The following CACNA2D3 variants were observed in gnomAD, a reference collection of about 807,000 sequenced individuals.
The protein encoded by CACNA2D3 is voltage-dependent calcium channel subunit alpha-2/delta-3.
A neutral mutation model predicts 160.6 loss-of-function variants in CACNA2D3; 60 were observed. That is an observed-to-expected ratio of 0.37 (90% CI 0.30 to 0.46). The LOEUF (loss-of-function observed/expected upper bound fraction) is 0.46, where lower values mean the gene tolerates loss of function less well. Among genes scored for constraint, CACNA2D3 ranks in the 20% least tolerant of loss-of-function variants. CACNA2D3 has a pLI of 1.00. For missense variants in CACNA2D3, 1,205 were observed against 1,365.0 expected (o/e 0.88, Z 1.85); for synonymous variants, 558 against 492.9 (o/e 1.13, Z -1.75).
At chr3:54,367,377 A>T (rs894459710) in intron 3 of CACNA2D3, among the ~76,000 whole-genome samples, 17 of 152,154 alleles carry the variant, frequency 1.1e-4, no homozygotes, top group African/African-American at 4.1e-4. Flanking sequence ...ATCGGCACTT[A>T]AATGTCCCTG....
chr3:54,177,471 T>C lies in CACNA2D3; in HGVS notation c.204+53877T>C, dbSNP rs572735942. On this transcript the variant is annotated intron_variant, in intron 2 of 37. Coordinates refer to ENST00000474759, the MANE Select transcript of CACNA2D3 (RefSeq NM_018398.3). ...CCATCCAGGAGCGGTTTTATCAATC[T>C]CTGAAAAAGCTAACTCCTCGGGCTT... 1.2e-4 allele frequency among the ~76,000 whole-genome samples: 19 copies of C among 152,344 alleles called. No homozygotes were observed. The East Asian group carries it at 3.1e-3, about 25-fold the overall frequency.
At chr3:54,213,439 A>G (rs934678768) in intron 2 of CACNA2D3, among the ~76,000 whole-genome samples, 11 of 152,142 alleles carry the variant, frequency 7.2e-5, no homozygotes, top group East Asian at 1.9e-4. Context: ...TACAGGAACA[A>G]TTGCTCTCTC....
chr3:54,475,671 C>T (rs531769110), intron 4 of CACNA2D3, among the ~76,000 whole-genome samples: 22 of 152,180 alleles, frequency 1.4e-4, no homozygotes, highest in African/African-American at 3.9e-4. Context: ...CCAAGTTATG[C>T]GTCCCTCTCC....
chr3:55,052,291 A>G (rs1704244406), intron 35 of CACNA2D3, among the ~76,000 whole-genome samples: 1 of 151,960 alleles, frequency 6.6e-6, no homozygotes, highest in Admixed American at 6.6e-5. Flanking sequence ...ATGGTTTGGG[A>G]GCATTCTTTG....
intron 11 of CACNA2D3, 80 bp from the exon 12 acceptor site, chr3:54,752,519 T>C (rs1048433066): frequency 3.3e-6 from 3 of 897,782 alleles, no homozygotes; most frequent in Admixed American, 3.9e-5. Context: ...GTAAGCCACA[T>C]GTGTGTGAGC....
rs1166821488 is a variant in CACNA2D3 at position 54,541,297 on chromosome 3, A to AAG, written c.545-21502_545-21501insGA. Among the ~76,000 whole-genome samples the AAG allele has an allele frequency of 7.9e-3, 1,011 of 127,216 alleles. 27 individuals are homozygous for AAG. In the East Asian group the frequency reaches 0.11, roughly 14 times the overall value. The allele number at this position is 127,216 out of a possible 152,430, so 83.5% of individuals were successfully genotyped here. A position where few individuals can be genotyped will look rare whatever the true frequency, so the allele number is the denominator to read the frequency against. ...GTCTCAGAAAAAAAAAAAAAAAAAA[A>AAG]AAAAGAAAAGAAAAGAAAAGGAGAA... On this transcript the variant is annotated intron_variant, in intron 5 of 37. Coordinates refer to ENST00000474759, the MANE Select transcript of CACNA2D3 (RefSeq NM_018398.3).
intron 4 of CACNA2D3, among the ~76,000 whole-genome samples, chr3:54,441,331 GTTGT>G (rs559453570): frequency 1.2e-3 from 181 of 152,234 alleles, no homozygotes; most frequent in African/African-American, 4.2e-3. Flanking sequence ...TTTTGTTGGG[GTTGT>G]TTGTTTTTTT....
At chr3:54,969,218 T>G (rs142581092) in intron 28 of CACNA2D3, among the ~76,000 whole-genome samples, 1 of 151,882 alleles carries the variant, frequency 6.6e-6, no homozygotes, top group African/African-American at 2.4e-5. Context: ...AGATTTGAGA[T>G]CTTAAAAAGA....
intron 2 of CACNA2D3, among the ~76,000 whole-genome samples, chr3:54,306,610 G>C (rs760652561): frequency 6.6e-6 from 1 of 152,186 alleles, no homozygotes; most frequent in Non-Finnish European, 1.5e-5. Context: ...CAGCTGGCTG[G>C]GATCTTGGTG....
At chr3:54,998,909 G>A (rs1034182597) in intron 31 of CACNA2D3, among the ~76,000 whole-genome samples, 2 of 152,028 alleles carry the variant, frequency 1.3e-5, no homozygotes, top group African/African-American at 4.8e-5. Flanking sequence ...ACCATGCCCG[G>A]CTAATTTTTT....
intron 11 of CACNA2D3, among the ~76,000 whole-genome samples, chr3:54,691,720 G>A (rs1249566903): frequency 6.6e-6 from 1 of 152,162 alleles, no homozygotes; most frequent in Non-Finnish European, 1.5e-5. Flanking sequence ...GGGCCTATGT[G>A]AGTGAGGATG....
intron 2 of CACNA2D3, among the ~76,000 whole-genome samples, chr3:54,167,426 C>T (rs1700480672): frequency 6.6e-6 from 1 of 152,136 alleles, no homozygotes; most frequent in South Asian, 2.1e-4. Flanking sequence ...GTTCCTTATA[C>T]CCATCTGCCA....
chr3:54,177,057 G>T (rs1700692760), intron 2 of CACNA2D3, among the ~76,000 whole-genome samples: 1 of 152,162 alleles, frequency 6.6e-6, no homozygotes, highest in East Asian at 1.9e-4. Flanking sequence ...GTGAAATGTT[G>T]AGCTTATGCC....
chr3:54,173,476 G>A (rs1388549248), intron 2 of CACNA2D3, among the ~76,000 whole-genome samples: 2 of 152,200 alleles, frequency 1.3e-5, no homozygotes, highest in Non-Finnish European at 2.9e-5. Context: ...TTACCACAAG[G>A]CTGCTTTTTT....
intron 4 of CACNA2D3, among the ~76,000 whole-genome samples, chr3:54,470,089 A>G (rs1408856794): frequency 6.6e-6 from 1 of 152,200 alleles, no homozygotes; most frequent in Non-Finnish European, 1.5e-5. Flanking sequence ...AACATCACAA[A>G]GATACTCCTC....
At chr3:54,964,015 G>A (rs1324424678) in intron 27 of CACNA2D3, among the ~76,000 whole-genome samples, 1 of 152,222 alleles carries the variant, frequency 6.6e-6, no homozygotes. Context: ...AGAGAGGTCA[G>A]TGCTTCAGAT....
At chr3:54,230,563 G>T (rs1701749975) in intron 2 of CACNA2D3, among the ~76,000 whole-genome samples, 1 of 152,198 alleles carries the variant, frequency 6.6e-6, no homozygotes, top group African/African-American at 2.4e-5. Context: ...GTTAGACACA[G>T]GGGATTCTAA....
intron 11 of CACNA2D3, among the ~76,000 whole-genome samples, chr3:54,751,913 A>G (rs1472618628): frequency 6.6e-6 from 1 of 152,214 alleles, no homozygotes; most frequent in African/African-American, 2.4e-5. Flanking sequence ...AACCTTAAGT[A>G]CCATCTGGCA....
intron 5 of CACNA2D3, among the ~76,000 whole-genome samples, chr3:54,542,330 G>A (rs140678946): frequency 0.016 from 2,431 of 152,224 alleles, 41 homozygotes; most frequent in Middle Eastern, 0.027. Context: ...AAAGTGCTGA[G>A]ATTACAGGTG....
Sources: gnomAD v4.1 joint callset for allele counts (sites outside exome capture counted in the v4.1 genomes callset) on GRCh38, gnomAD v4.1.1 for gene constraint, MANE v1.5 for transcripts, NCBI Gene and HGNC (gene_info 2026-07-23, HGNC 2026-07-21) for gene names.